SDK1: variants seen among roughly 807,000 people sequenced by gnomAD.
The protein encoded by SDK1 is sidekick cell adhesion molecule 1, also known as protein sidekick-1.
SDK1 carries 157 observed loss-of-function variants against 245.5 expected under a neutral mutation model. The ratio of observed to expected loss-of-function variants is 0.64; its 90% confidence interval spans 0.56 to 0.73. The LOEUF is 0.73. SDK1 is among the 30% of genes least tolerant of loss of function. SDK1 has a pLI of 0.00. For synonymous variants in SDK1, 1,647 were observed against 1,278.5 expected (o/e 1.29, Z -6.15); for missense variants, 3,583 against 3,002.3 (o/e 1.19, Z -4.52).
chr7:3,394,435 C>T (rs1425197132), intron 1 of SDK1, among the ~76,000 whole-genome samples: 2 of 151,850 alleles, frequency 1.3e-5, no homozygotes, highest in South Asian at 2.1e-4. Flanking sequence ...ATCACTGTAC[C>T]TTTATATAAG....
chr7:4,005,370 C>T (rs368410141), intron 14 of SDK1, among the ~76,000 whole-genome samples: 3 of 147,678 alleles, frequency 2.0e-5, no homozygotes, highest in East Asian at 2.0e-4. Flanking sequence ...CTTCCGTTTC[C>T]GGGTAGTTTC....
chr7:3,410,350 A>G (rs183989207), intron 1 of SDK1, among the ~76,000 whole-genome samples: 4 of 152,152 alleles, frequency 2.6e-5, no homozygotes, highest in Non-Finnish European at 5.9e-5. Flanking sequence ...CACCTTATGA[A>G]TTGAATTTCA....
At chr7:4,066,071 G>C (rs1473878820) in intron 19 of SDK1, among the ~76,000 whole-genome samples, 2 of 152,142 alleles carry the variant, frequency 1.3e-5, no homozygotes, top group East Asian at 3.9e-4. Context: ...TCCCTGCCTG[G>C]CGTGGAGGGT....
chr7:4,112,356 CTT>C (rs1783403692), intron 23 of SDK1, among the ~76,000 whole-genome samples: 1 of 152,168 alleles, frequency 6.6e-6, no homozygotes. Context: ...AGAGGGATGA[CTT>C]TGAAGAGAAT....
At chr7:3,425,160 A>C (rs994199973) in intron 1 of SDK1, among the ~76,000 whole-genome samples, 1 of 152,030 alleles carries the variant, frequency 6.6e-6, no homozygotes, top group African/African-American at 2.4e-5. Flanking sequence ...AAGAACTACA[A>C]AACTGAAAAT....
At chr7:3,342,191 A>G (rs1202072242) in intron 1 of SDK1, among the ~76,000 whole-genome samples, 1 of 152,364 alleles carries the variant, frequency 6.6e-6, no homozygotes, top group East Asian at 1.9e-4. Context: ...TTGGACATCC[A>G]TAGACGAAAT....
intron 1 of SDK1, among the ~76,000 whole-genome samples, chr7:3,415,497 G>A (rs2128578918): frequency 6.6e-6 from 1 of 152,006 alleles, no homozygotes; most frequent in East Asian, 1.9e-4. Flanking sequence ...AAACAATGAT[G>A]AGTGAATAAG....
intron 13 of SDK1, among the ~76,000 whole-genome samples, chr7:3,986,123 G>C (rs1783811340): frequency 6.6e-6 from 1 of 152,146 alleles, no homozygotes; most frequent in Non-Finnish European, 1.5e-5. Context: ...TGGTTTTAAG[G>C]TTGTAGACTC....
intron 17 of SDK1, among the ~76,000 whole-genome samples, chr7:4,022,050 C>T (rs955344821): frequency 3.9e-5 from 6 of 152,172 alleles, no homozygotes; most frequent in African/African-American, 1.4e-4. Context: ...CACTTAGGGG[C>T]TTGAAGTACC....
At chr7:3,554,282 G>A (rs1779514964) in intron 1 of SDK1, among the ~76,000 whole-genome samples, 1 of 152,072 alleles carries the variant, frequency 6.6e-6, no homozygotes, top group Non-Finnish European at 1.5e-5. Flanking sequence ...TTAGAAATCA[G>A]TAACAGAAAG....
At chr7:3,832,179 C>T (rs964379480) in intron 5 of SDK1, among the ~76,000 whole-genome samples, 7 of 152,206 alleles carry the variant, frequency 4.6e-5, no homozygotes, top group African/African-American at 1.4e-4. Flanking sequence ...AAGTTACTTT[C>T]ACTAATCTTA....
At chr7:4,219,734 A>T (rs1785031173) in intron 38 of SDK1, among the ~76,000 whole-genome samples, 1 of 152,140 alleles carries the variant, frequency 6.6e-6, no homozygotes, top group African/African-American at 2.4e-5. Context: ...TGCACAGCTC[A>T]GAGCCAAGTG....
At position 3,619,115 on chromosome 7, in the gene SDK1, C is replaced by G. The variant is rs1052131391; in HGVS notation, c.334C>G (p.Leu112Val). 3.1e-6 allele frequency: 5 copies of G among 1,612,572 alleles called. No homozygotes were observed. In the African/African-American group the frequency reaches 6.7e-5, roughly 22 times the overall value. ...VAPYFKTEPG[L>V]PQIHLEGNRL... ...TCCATATTTTAAAACGGAGCCAGGCCTACCACAGATCCACCTGGAAGGGAA... is the reference window on the plus strand; with the variant it reads ...TCCATATTTTAAAACGGAGCCAGGCGTACCACAGATCCACCTGGAAGGGAA... The change falls in exon 2 of 45, where the codon CTA becomes GTA. Residue 112 changes from leucine (L) to valine (V), a missense_variant. Physicochemically the swap from Leu to Val is conservative, Grantham distance 32. Transcript: ENST00000404826.
intron 1 of SDK1, among the ~76,000 whole-genome samples, chr7:3,581,544 G>T (rs748456786): frequency 2.6e-5 from 4 of 152,176 alleles, no homozygotes; most frequent in Non-Finnish European, 5.9e-5. Flanking sequence ...ACACACCGTT[G>T]TGGGGAGGGT....
intron 4 of SDK1, among the ~76,000 whole-genome samples, chr7:3,812,387 A>T (rs1779406888): frequency 6.6e-6 from 1 of 152,210 alleles, no homozygotes. Context: ...ACGTATTTCA[A>T]ATCCAAAGGA....
intron 4 of SDK1, among the ~76,000 whole-genome samples, chr7:3,816,693 G>C (rs1227030396): frequency 6.6e-6 from 1 of 152,188 alleles, no homozygotes; most frequent in Non-Finnish European, 1.5e-5. Context: ...AGCAATTTTA[G>C]TTCTTGTCGT....
rs1391074241 is a variant in SDK1, at chr7:4,178,535, A to G, written c.5047A>G (p.Ile1683Val). ...AGTAATAATGACCGCCTATAACATC[A>G]TCGGCGAGAGCCCAGCCAGCGCGCC... is the stretch of plus-strand genomic sequence containing the variant. ...YEVIMTAYNI[I>V]GESPASAPVE... Residue 1683 changes from isoleucine to valine, a missense_variant, in exon 35 of 45, where the codon ATC (isoleucine) becomes GTC (valine). Transcript: ENST00000404826. 26 of 1,613,790 alleles carry G rather than the reference A, an allele frequency of 1.6e-5. No individual in the cohort carries two copies. Among genetic ancestry groups the G allele is most frequent in the Non-Finnish European group, 2.1e-5 (25 of 1,180,020 alleles).
chr7:3,556,037 A>G (rs894923282), intron 1 of SDK1, among the ~76,000 whole-genome samples: 1 of 152,190 alleles, frequency 6.6e-6, no homozygotes. Context: ...AAATAGAGCT[A>G]CCATATGATC....
chr7:3,583,469 G>A (rs1337492430), intron 1 of SDK1, among the ~76,000 whole-genome samples: 1 of 152,166 alleles, frequency 6.6e-6, no homozygotes, highest in Non-Finnish European at 1.5e-5. Flanking sequence ...GGAAATATGT[G>A]AGGAGCTAAG....
Sources: allele counts gnomAD v4.1 joint callset (sites outside exome capture counted in the v4.1 genomes callset), GRCh38; gene constraint gnomAD v4.1.1; transcripts MANE v1.5; gene names NCBI Gene and HGNC (gene_info 2026-07-23, HGNC 2026-07-21).